Variants in CNOT4 observed in about 807,000 individuals in gnomAD.
CNOT4 encodes CCR4-NOT transcription complex subunit 4, also known as CCR4-associated factor 4.
CNOT4 carries 8 observed loss-of-function variants against 73.8 expected under a neutral mutation model. The observed-to-expected ratio is 0.11, with a 90% CI of 0.06 to 0.20. The LOEUF (loss-of-function observed/expected upper bound fraction) is 0.20, where lower values mean the gene tolerates loss of function less well. Ranked by LOEUF, CNOT4 falls within the 10% of genes least tolerant of loss-of-function variation. CNOT4 has a pLI of 1.00. For synonymous variants in CNOT4, 293 were observed against 321.1 expected, an observed-to-expected ratio of 0.91 and a Z score of 0.94; for missense variants, 564 against 883.4, an observed-to-expected ratio of 0.64 and a Z score of 4.58.
intron 3 of CNOT4, among the ~76,000 whole-genome samples, chr7:135,418,355 A>G (rs6976126): frequency 0.035 from 5,365 of 152,320 alleles, 321 homozygotes; most frequent in African/African-American, 0.12. Context: ...TATACTCAAT[A>G]TCACGATGTC....
chr7:135,478,359 G>C (rs1802132508), intron 1 of CNOT4, among the ~76,000 whole-genome samples: 1 of 152,144 alleles, frequency 6.6e-6, no homozygotes, highest in South Asian at 2.1e-4. Context: ...TACTGGTTGT[G>C]AAATGTTTTT....
At chr7:135,507,792 AG>A (rs1335473588) in intron 1 of CNOT4, among the ~76,000 whole-genome samples, 9 of 152,294 alleles carry the variant, frequency 5.9e-5, no homozygotes, top group African/African-American at 2.2e-4. Flanking sequence ...TATATTTTTT[AG>A]AGTTAAAGAT....
rs201613355 is a variant in CNOT4 at position 135,395,867 on chromosome 7, G to A, written c.896C>T (p.Thr299Met). 41 of 1,604,978 alleles carry A rather than the reference G, an allele frequency of 2.6e-5. No individual in the cohort carries two copies. The highest frequency in any genetic ancestry group is 6.7e-5 in the African/African-American group (5 of 74,828). The change falls in exon 9 of 12, where the codon ACG becomes ATG. Residue 299 changes from threonine (T) to methionine (M), a missense_variant. Transcript: ENST00000541284. ...TGACAAACCAGGTGGTGGTGAAGGC[G>A]TATCACTGTTAGATATCTGAATAAA... ...DNSQQISNSD[T>M]PSPPPGLSKS...
intron 10 of CNOT4, chr7:135,387,032 T>C (rs1585566553): frequency 1.8e-5 from 17 of 968,800 alleles, no homozygotes; most frequent in Non-Finnish European, 2.1e-5. Context: ...GAGTTTGTTA[T>C]AATAACAAGG....
At chr7:135,431,759 C>A (rs201642101) in intron 2 of CNOT4, among the ~76,000 whole-genome samples, 3 of 151,774 alleles carry the variant, frequency 2.0e-5, no homozygotes, top group Admixed American at 6.5e-5. Flanking sequence ...AAAAAAGAAA[C>A]ATATCATGGG....
At chr7:135,374,506 C>T (rs567107499) in intron 10 of CNOT4, among the ~76,000 whole-genome samples, 1 of 152,180 alleles carries the variant, frequency 6.6e-6, no homozygotes, top group Admixed American at 6.5e-5. Flanking sequence ...CTCTGTAATA[C>T]TCTTGGCTTA....
At chr7:135,455,258 A>G (rs551000291) in intron 1 of CNOT4, among the ~76,000 whole-genome samples, 9 of 151,802 alleles carry the variant, frequency 5.9e-5, no homozygotes, top group Non-Finnish European at 1.2e-4. Flanking sequence ...TCGGGAAGAG[A>G]GCAAAATCCT....
chr7:135,508,155 A>G (rs1465965695), intron 1 of CNOT4, among the ~76,000 whole-genome samples: 1 of 152,246 alleles, frequency 6.6e-6, no homozygotes. Flanking sequence ...ATTTTTACAT[A>G]TATCTTAAGA....
At chr7:135,387,725 TTA>T in intron 10 of CNOT4, 1 of 983,600 alleles carries the variant, frequency 1.0e-6, no homozygotes, top group Non-Finnish European at 1.2e-6. Flanking sequence ...TTTTCCTTTA[TTA>T]TCAGTTTTAA....
intron 3 of CNOT4, among the ~76,000 whole-genome samples, chr7:135,417,770 A>G (rs1046485771): frequency 3.9e-5 from 6 of 152,156 alleles, no homozygotes; most frequent in Non-Finnish European, 1.5e-5. Context: ...TTACCTTGGC[A>G]CCTTCTTTCT....
chr7:135,418,725 G>A (rs555989566), intron 3 of CNOT4, among the ~76,000 whole-genome samples: 36 of 152,158 alleles, frequency 2.4e-4, no homozygotes, highest in African/African-American at 7.7e-4. Context: ...ACTTTCCTGG[G>A]TTATCACATA....
At chr7:135,480,963 G>A in intron 1 of CNOT4, among the ~76,000 whole-genome samples, 3 of 133,622 alleles carry the variant, frequency 2.2e-5, no homozygotes, top group Admixed American at 7.6e-5. Flanking sequence ...ATGGATTAAA[G>A]ACTTAAACGT....
At chr7:135,492,623 A>G (rs1304598682) in intron 1 of CNOT4, among the ~76,000 whole-genome samples, 1 of 152,186 alleles carries the variant, frequency 6.6e-6, no homozygotes, top group Non-Finnish European at 1.5e-5. Flanking sequence ...GTTATTGGTA[A>G]TAACAAGGTA....
intron 1 of CNOT4, among the ~76,000 whole-genome samples, chr7:135,479,247 T>A (rs1216619051): frequency 7.2e-6 from 1 of 138,044 alleles, no homozygotes; most frequent in Non-Finnish European, 1.5e-5. Flanking sequence ...TCTCGCTCTG[T>A]CACCAGGCTG....
intron 8 of CNOT4, among the ~76,000 whole-genome samples, chr7:135,397,036 A>G (rs180682756): frequency 7.0e-4 from 107 of 152,300 alleles, no homozygotes; most frequent in African/African-American, 2.3e-3. Context: ...AAAATTCAGA[A>G]GACAAAAATT....
chr7:135,393,980 T>C lies in CNOT4; in HGVS notation c.1565A>G (p.Asn522Ser). Residue 522 changes from asparagine to serine, a missense_variant, in exon 10 of 12, where the codon AAT becomes AGT. Asn to Ser is a conservative substitution (Grantham distance 46). Around this residue, in one of 10 missense-constraint regions of CNOT4, gnomAD observed 153 missense variants for 158.7 expected, o/e 0.96. Coordinates refer to ENST00000541284, the MANE Select transcript of CNOT4 (RefSeq NM_001190850.2). Reference protein sequence around the residue: ...NHTANPTSNSNFLDLNLPPQH... With the variant: ...NHTANPTSNSSFLDLNLPPQH... ...TGGCGGGAGATTCAAGTCCAAGAAA[T>C]TACTATTTGAGGTGGGGTTTGCTGT... 1.2e-6 allele frequency: 2 copies of C among 1,613,824 alleles called. No homozygotes were observed. Among genetic ancestry groups the C allele is most frequent in the African/African-American group, 1.3e-5 (1 of 74,984 alleles).
intron 10 of CNOT4, among the ~76,000 whole-genome samples, chr7:135,365,427 G>C (rs989494243): frequency 6.6e-6 from 1 of 151,456 alleles, no homozygotes; most frequent in Non-Finnish European, 1.5e-5. Context: ...ATTTGTATGT[G>C]TTGTATGGTT....
At chr7:135,381,927 T>C (rs931366838) in intron 10 of CNOT4, among the ~76,000 whole-genome samples, 3 of 152,156 alleles carry the variant, frequency 2.0e-5, no homozygotes, top group South Asian at 2.1e-4. Flanking sequence ...AATAACAAAA[T>C]TGTTATAAGC....
chr7:135,479,215 T>TC (rs1419192750), intron 1 of CNOT4, among the ~76,000 whole-genome samples: 1 of 135,778 alleles, frequency 7.4e-6, no homozygotes, highest in East Asian at 2.1e-4. Flanking sequence ...TTTTTTTTTT[T>TC]TTTTTTTTTT....
Sources: allele counts gnomAD v4.1 joint callset (sites outside exome capture counted in the v4.1 genomes callset), GRCh38; gene constraint gnomAD v4.1.1; regional missense constraint gnomAD v4.1.1; transcripts MANE v1.5; gene names NCBI Gene and HGNC (gene_info 2026-07-23, HGNC 2026-07-21).